TTN: variants seen among roughly 807,000 people sequenced by gnomAD.
TTN encodes the protein connectin.
TTN carries 1,525 observed loss-of-function variants against 3,223.0 expected under a neutral mutation model. That is an observed-to-expected ratio of 0.47 (90% CI 0.45 to 0.49). TTN has a LOEUF of 0.49. Ranked by LOEUF, TTN falls within the 20% of genes least tolerant of loss-of-function variation. The pLI, the probability that TTN is intolerant of heterozygous loss-of-function variation, is 0.00. For synonymous variants in TTN, 14,094 were observed against 15,161.0 expected (o/e 0.93, Z 5.17); for missense variants, 40,786 against 43,424.0 (o/e 0.94, Z 5.40).
At chr2:178,600,640 T>C in intron 288 of TTN, 1 of 595,312 alleles carries the variant, frequency 1.7e-6, no homozygotes. Flanking sequence ...ACAGACATCA[T>C]CTCCTTTGAA....
Position 178,572,308 on chromosome 2 carries a change from T to C in TTN, c.73824A>G (p.Ala24608=). The C allele has an allele frequency of 6.2e-7, 1 of 1,611,720 alleles. No homozygotes were observed. Among genetic ancestry groups the C allele is most frequent in the Non-Finnish European group, 8.5e-7 (1 of 1,178,092 alleles). Residue 24608 remains alanine (A), a synonymous_variant, in exon 326 of 363, where the codon GCA becomes GCG. Transcript: ENST00000589042. ...EYGIGLPAET[A]ESVKASERPL... ...GTCGTTCTGATGCTTTCACAGATTC[T>C]GCGGTTTCAGCAGGCAGCCCAATGC...
At chr2:178,688,276 T>C in intron 126 of TTN, 52 bp from the exon 127 acceptor site, 1 of 1,498,200 alleles carries the variant, frequency 6.7e-7, no homozygotes, top group Non-Finnish European at 9.3e-7. Context: ...TACAGATGTA[T>C]ATACAGCCAT....
intron 223 of TTN, among the ~76,000 whole-genome samples, chr2:178,638,985 C>T (rs2060875652): frequency 6.6e-6 from 1 of 151,950 alleles, no homozygotes; most frequent in African/African-American, 2.4e-5. Context: ...CTCAAATTAT[C>T]ACTTAAATGA....
chr2:178,800,343 AC>A (rs1485061254), intron 4 of TTN, 51 bp downstream of exon 4: 13 of 1,611,134 alleles, frequency 8.1e-6, no homozygotes, highest in Non-Finnish European at 1.1e-5. Flanking sequence ...CCCCATTTAG[AC>A]ACAAACCAGC....
chr2:178,585,848 G>A (rs1265749548), intron 308 of TTN, among the ~76,000 whole-genome samples: 3 of 152,028 alleles, frequency 2.0e-5, no homozygotes, highest in Non-Finnish European at 4.4e-5. Context: ...TCATTGATGG[G>A]CATTTGGGTT....
chr2:178,646,179 A>G (rs1249324806), intron 216 of TTN, 149 bp from the exon 217 acceptor site: 1 of 198,570 alleles, frequency 5.0e-6, no homozygotes, highest in African/African-American at 2.6e-5. Context: ...AAGGTACGTA[A>G]TACCAGTATC....
intron 127 of TTN, 63 bp downstream of exon 127, chr2:178,688,048 A>G (rs953551759): frequency 1.0e-5 from 14 of 1,388,722 alleles, no homozygotes; most frequent in Non-Finnish European, 7.1e-6. Context: ...TCTGTAGACA[A>G]TTTGTGAAAG....
intron 8 of TTN, 123 bp from the exon 9 acceptor site, chr2:178,793,664 G>A: frequency 7.6e-7 from 1 of 1,322,916 alleles, no homozygotes; most frequent in Non-Finnish European, 1.1e-6. Flanking sequence ...GCTGGGTGTG[G>A]TGGCGCACAC....
At position 178,544,502 on chromosome 2, in the gene TTN, G is replaced by T; in HGVS notation, c.95727C>A (p.Thr31909=). Residue 31909 remains threonine, a synonymous_variant, in exon 345 of 363, where the codon ACC becomes ACA. Coordinates refer to ENST00000589042, the MANE Select transcript of TTN (RefSeq NM_001267550.2). ...CTCTTGGAGCAGAAGGTGGTCCAGGGGTATCTGTGGAATTTAAAAAGTGAG... is the reference window on the plus strand; with the variant it reads ...CTCTTGGAGCAGAAGGTGGTCCAGGTGTATCTGTGGAATTTAAAAAGTGAG... The part of the protein sequence containing the change: ...NFISCREPSY[T]PGPPSAPRVV... The T allele has an allele frequency of 6.3e-7, 1 of 1,587,480 alleles. No individual in the cohort carries two copies. The highest frequency in any genetic ancestry group is 8.6e-7 in the Non-Finnish European group (1 of 1,162,360).
Position 178,640,038 on chromosome 2 carries a change from G to A in TTN, c.40786+10C>T, listed in dbSNP as rs1306156993. ...AATATGCTGTTGACATTGAGGATAA[G>A]CTTGCTCACCTGCTTCGGGCTTTGG... On this transcript the variant is annotated intron_variant, in intron 222 of 362. Coordinates refer to ENST00000589042, the MANE Select transcript of TTN (RefSeq NM_001267550.2). The A allele has an allele frequency of 1.2e-6, 2 of 1,611,858 alleles. No homozygotes were observed. Among genetic ancestry groups the A allele is most frequent in the Admixed American group, 3.3e-5 (2 of 59,834 alleles).
Position 178,653,125 on chromosome 2 carries a change from C to T in TTN, c.38792-1G>A. 6.2e-7 allele frequency: 1 copy of T among 1,612,514 alleles called. No homozygotes were observed. Among genetic ancestry groups the T allele is most frequent in the East Asian group, 2.2e-5 (1 of 44,768 alleles). On this transcript the variant is annotated splice_acceptor_variant, in intron 198 of 362. Coordinates refer to ENST00000589042, the MANE Select transcript of TTN (RefSeq NM_001267550.2). LOFTEE classifies it high-confidence loss of function. ...ACAACTTCTTTGGGAGCCTCTGGCA[C>T]TTAAAAGATATTAGGTAAAATTACA...
Position 178,528,622 on chromosome 2 carries a change from G to C in TTN, c.107129C>G (p.Ser35710Cys). 6.2e-7 allele frequency: 1 copy of C among 1,612,556 alleles called. No individual in the cohort carries two copies. Among genetic ancestry groups the C allele is most frequent in the South Asian group, 1.1e-5 (1 of 90,854 alleles). Reference sequence around the variant, plus strand: ...ATTTTGTCCTTCATTAATATTTTGAGATCTAGGCTGTGAGATGAAGGCTGG... The same window carrying C: ...ATTTTGTCCTTCATTAATATTTTGACATCTAGGCTGTGAGATGAAGGCTGG... The part of the protein sequence containing the change: ...DAPAFISQPR[S>C]QNINEGQNVL... Residue 35710 changes from serine to cysteine, a missense_variant, in exon 360 of 363, where the codon TCT (serine) becomes TGT (cysteine). By Grantham distance (112) the Ser-to-Cys change is moderately radical (BLOSUM62 -1). Transcript: ENST00000589042.
intron 47 of TTN, chr2:178,748,827 A>C: frequency 6.2e-7 from 1 of 1,612,066 alleles, no homozygotes; most frequent in East Asian, 2.2e-5. Context: ...ATGTTAGATG[A>C]ATCTGATTCA....
Position 178,785,830 on chromosome 2 carries a change from C to A in TTN, c.2370+18G>T. The A allele has an allele frequency of 6.2e-7, 1 of 1,614,072 alleles. No homozygotes were observed. The highest frequency in any genetic ancestry group is 8.5e-7 in the Non-Finnish European group (1 of 1,179,992). On this transcript the variant is annotated intron_variant, in intron 14 of 362. Transcript: ENST00000589042. ...CTTTACCATGAACAAGGTGAAAAAT[C>A]AGCAGGTATAGACTCACCTGTGATG...
chr2:178,717,474 G>A, intron 87 of TTN, 49 bp downstream of exon 87: 1 of 1,562,324 alleles, frequency 6.4e-7, no homozygotes, highest in South Asian at 1.2e-5. Flanking sequence ...TTGGTGGCCT[G>A]GAGCAGTGAA....
Position 178,739,586 on chromosome 2 carries a change from GGCATCCAAATATTTAACC to G in TTN, c.13629_13646del (p.Arg4543_Ala4549delinsSer). 6.2e-7 allele frequency: 1 copy of G among 1,613,724 alleles called. No individual in the cohort carries two copies. Among genetic ancestry groups the G allele is most frequent in the Non-Finnish European group, 8.5e-7 (1 of 1,179,834 alleles). On this transcript the variant is annotated inframe_deletion, in exon 48 of 363. Coordinates refer to ENST00000589042, the MANE Select transcript of TTN (RefSeq NM_001267550.2). ...AAGCAACCCCTTTAGTGACAGGTGT[GGCATCCAAATATTTAACC>G]CTACTTTGCACGTTAAAATAACTGA...
At position 178,563,409 on chromosome 2, in the gene TTN, T is replaced by C. The variant is rs763068189; in HGVS notation, c.82723A>G (p.Ser27575Gly). The C allele has an allele frequency of 1.2e-6, 2 of 1,613,556 alleles. No homozygotes were observed. The highest frequency in any genetic ancestry group is 1.7e-5 in the Admixed American group (1 of 59,962). The change falls in exon 326 of 363, where the codon AGC becomes GGC. Residue 27575 changes from serine (S) to glycine (G), a missense_variant. By Grantham distance (56) the Ser-to-Gly change is moderately conservative (BLOSUM62 0). Coordinates refer to ENST00000589042, the MANE Select transcript of TTN (RefSeq NM_001267550.2). The surrounding 1 kb of genome is among the most constrained non-coding windows in gnomAD (Gnocchi z 4.5). ...GAAGTGTCCGTCACTTTTGGATTGC[T>C]TGGGGGACCTGGTGGATACAAGGCA... ...CDALYPPGPP[S>G]NPKVTDTSRS...
intron 6 of TTN, among the ~76,000 whole-genome samples, chr2:178,798,127 A>G (rs979290570): frequency 1.3e-5 from 2 of 152,060 alleles, no homozygotes; most frequent in Non-Finnish European, 2.9e-5. Flanking sequence ...CTATTCATTT[A>G]CCAATACCAT....
In TTN at chr2:178,665,916, T is replaced by A. The variant is rs2065851093; in HGVS notation, c.35876-125A>T. 9.4e-6 allele frequency: 4 copies of A among 427,400 alleles called. No homozygotes were observed. In the Admixed American group the frequency reaches 1.3e-4, roughly 14 times the overall value. 26.5% of individuals were successfully genotyped at this position (427,400 alleles called of 1,614,324 possible). ...CCCACTCCCCGCCCCCAGAATCGGA[T>A]CTTTTGTAGCAGTGTGAGTATTTGG... is the stretch of plus-strand genomic sequence containing the variant. On this transcript the variant is annotated intron_variant, in intron 163 of 362. Coordinates refer to ENST00000589042, the MANE Select transcript of TTN (RefSeq NM_001267550.2).
Sources: allele counts gnomAD v4.1 joint callset (sites outside exome capture counted in the v4.1 genomes callset), GRCh38; gene constraint gnomAD v4.1.1; non-coding constraint Gnocchi (gnomAD v3.1); transcripts MANE v1.5; gene names NCBI Gene and HGNC (gene_info 2026-07-23, HGNC 2026-07-21).